Variants in UNC80 observed in about 807,000 individuals in gnomAD.
UNC80 encodes protein unc-80 homolog.
UNC80 carries 164 observed loss-of-function variants against 384.6 expected under a neutral mutation model. The observed-to-expected ratio is 0.43, with a 90% CI of 0.38 to 0.49. UNC80 has a LOEUF of 0.49. UNC80 is among the 20% of genes least tolerant of loss of function. UNC80 has a pLI of 0.00. For missense variants in UNC80, 3,330 were observed against 4,143.0 expected (o/e 0.80, Z 5.39); for synonymous variants, 1,486 against 1,527.8 (o/e 0.97, Z 0.64).
chr2:209,984,785 CCTTTTTT>C (rs1372374431), intron 60 of UNC80, 64 bp from the exon 61 acceptor site: 29 of 1,402,498 alleles, frequency 2.1e-5, no homozygotes, highest in South Asian at 1.2e-4. Context: ...AAATTGCATG[CCTTTTTT>C]CTTTTTTCTT....
chr2:209,810,257 G>C (rs1018914889), intron 7 of UNC80, among the ~76,000 whole-genome samples: 12 of 152,152 alleles, frequency 7.9e-5, no homozygotes, highest in African/African-American at 2.9e-4. Context: ...TCTGCCCAAT[G>C]TATCTCCCAG....
intron 22 of UNC80, among the ~76,000 whole-genome samples, chr2:209,857,171 G>A (rs2082998096): frequency 1.3e-5 from 2 of 152,090 alleles, no homozygotes; most frequent in Non-Finnish European, 2.9e-5. Context: ...CATCACTTAG[G>A]CTAGTCGAGG....
chr2:209,935,672 C>A, intron 39 of UNC80, 42 bp from the exon 40 acceptor site: 1 of 1,094,136 alleles, frequency 9.1e-7, no homozygotes. Flanking sequence ...TACAAATTTT[C>A]TATAGTAAAA....
At position 209,829,993 on chromosome 2, in the gene UNC80, T is replaced by G. The variant is rs183641966; in HGVS notation, c.2626+614T>G. On this transcript the variant is annotated intron_variant, in intron 15 of 64. Coordinates refer to ENST00000673920, the MANE Select transcript of UNC80 (RefSeq NM_001371986.1). ...TAAGTTACAGGGGGAGACCAATAAG[T>G]GTTAACTGCATTTATAGTAAACCAA... 3.3e-4 allele frequency among the ~76,000 whole-genome samples: 51 copies of G among 152,344 alleles called. No individual in the cohort carries two copies. In the East Asian group the frequency reaches 9.6e-3, roughly 29 times the overall value.
At chr2:209,964,531 G>A (rs577792515) in intron 51 of UNC80, among the ~76,000 whole-genome samples, 26 of 152,284 alleles carry the variant, frequency 1.7e-4, no homozygotes, top group African/African-American at 6.3e-4. Context: ...GTTCACGCCT[G>A]TAATCCCAGC....
intron 28 of UNC80, among the ~76,000 whole-genome samples, chr2:209,902,745 A>G (rs1186031848): frequency 6.6e-6 from 1 of 152,194 alleles, no homozygotes; most frequent in African/African-American, 2.4e-5. Context: ...TTTAGACATG[A>G]TGTTATTGCA....
chr2:209,914,313 T>C (rs1347993333), intron 31 of UNC80, among the ~76,000 whole-genome samples: 1 of 152,246 alleles, frequency 6.6e-6, no homozygotes, highest in East Asian at 1.9e-4. Context: ...ATGTGAGTAA[T>C]GTTCTGTGTC....
At position 209,992,303 on chromosome 2, in the gene UNC80, GAT is replaced by G. The variant is rs965274556; in HGVS notation, c.9396+57_9396+58del. 8.6e-5 allele frequency: 126 copies of G among 1,458,374 alleles called. 1 individual carries two copies. The African/African-American group carries it at 1.6e-3, about 18-fold the overall frequency. 90.3% of individuals were successfully genotyped at this position (1,458,374 alleles called of 1,614,324 possible). On this transcript the variant is annotated intron_variant, in intron 62 of 64. Transcript: ENST00000673920. ...ATCCTACGAATTGGAAGCTCTGTGTGATTTTTAATGCCCATGTATATTAAGAT... is the reference window on the plus strand; with the variant it reads ...ATCCTACGAATTGGAAGCTCTGTGTGTTTTAATGCCCATGTATATTAAGAT...
rs747100273 is a variant in UNC80 at position 209,978,517 on chromosome 2, C to A, written c.8939-12C>A. 6.6e-7 allele frequency: 1 copy of A among 1,524,216 alleles called. No homozygotes were observed. The highest frequency in any genetic ancestry group is 1.2e-5 in the South Asian group (1 of 81,836). 94.4% of individuals were successfully genotyped at this position (1,524,216 alleles called of 1,614,324 possible). On this transcript the variant is annotated splice_polypyrimidine_tract_variant and intron_variant, in intron 58 of 64. Coordinates refer to ENST00000673920, the MANE Select transcript of UNC80 (RefSeq NM_001371986.1). The stretch of plus-strand genomic sequence containing the variant: ...TCACCATGCATTTCCTTTGGTCTCT[C>A]GCATCCTCTAGCCTACCAAGGCAAG...
intron 62 of UNC80, 90 bp from the exon 63 acceptor site, chr2:209,993,225 A>G: frequency 1.0e-6 from 1 of 967,616 alleles, no homozygotes; most frequent in Non-Finnish European, 1.5e-6. Context: ...GAACAACCAT[A>G]AGAATCCACA....
In UNC80 at chr2:209,912,630, A is replaced by G; in HGVS notation, c.4853A>G (p.Lys1618Arg). The change falls in exon 30 of 65, where the codon AAA (lysine) becomes AGA (arginine). Residue 1618 changes from lysine to arginine, a missense_variant. By Grantham distance (26) the Lys-to-Arg change is conservative. Coordinates refer to ENST00000673920, the MANE Select transcript of UNC80 (RefSeq NM_001371986.1). ...KRVSDANLEG[K>R]KDSGMLKYIR... ...GTTTCAGATGCCAATCTGGAAGGAA[A>G]AAAAGATTCCGGAATGCTGAAGTAC... is the stretch of plus-strand genomic sequence containing the variant. 6.4e-7 allele frequency: 1 copy of G among 1,551,592 alleles called. No homozygotes were observed. Among genetic ancestry groups the G allele is most frequent in the South Asian group, 1.2e-5 (1 of 84,038 alleles).
chr2:209,927,608 C>A (rs755028390), intron 36 of UNC80, among the ~76,000 whole-genome samples: 2 of 152,140 alleles, frequency 1.3e-5, no homozygotes, highest in Admixed American at 6.6e-5. Flanking sequence ...GCCAGAAAGT[C>A]GGCAAATATT....
intron 47 of UNC80, among the ~76,000 whole-genome samples, chr2:209,949,541 A>G (rs1304194754): frequency 2.0e-5 from 3 of 151,472 alleles, no homozygotes; most frequent in East Asian, 3.9e-4. Flanking sequence ...GCAATGGCAT[A>G]ATCTTGGCTC....
intron 15 of UNC80, 148 bp from the exon 16 acceptor site, chr2:209,831,295 G>C: frequency 1.3e-6 from 1 of 785,984 alleles, no homozygotes; most frequent in Non-Finnish European, 1.9e-6. Flanking sequence ...TCTGCCTAGA[G>C]ATTATTAAAC....
intron 60 of UNC80, among the ~76,000 whole-genome samples, chr2:209,983,596 G>A (rs1348216451): frequency 5.9e-5 from 9 of 151,976 alleles, no homozygotes; most frequent in Non-Finnish European, 1.0e-4. Flanking sequence ...ATTTTTAATT[G>A]CTAGCAATGT....
intron 18 of UNC80, among the ~76,000 whole-genome samples, chr2:209,837,773 C>CTTTT (rs747171151): frequency 7.1e-6 from 1 of 141,466 alleles, no homozygotes; most frequent in Non-Finnish European, 1.6e-5. Context: ...GTACCTACAT[C>CTTTT]TTTTTTTTTT....
In UNC80 at chr2:209,984,896, G is replaced by A. The variant is rs780309223; in HGVS notation, c.9298G>A (p.Glu3100Lys). The A allele has an allele frequency of 5.8e-6, 9 of 1,550,354 alleles. No individual in the cohort carries two copies. The highest frequency in any genetic ancestry group is 2.8e-5 in the African/African-American group (2 of 72,720). The change falls in exon 61 of 65, where the codon GAG (glutamate) becomes AAG (lysine). Residue 3100 changes from glutamate to lysine, a missense_variant. Glu to Lys is a moderately conservative substitution (Grantham distance 56). Transcript: ENST00000673920. ...CGATGACTCCCAGGGCCTGGCCGCC[G>A]AGGGCAGCCTCTCTAGGTACAGTGT... The part of the protein sequence containing the change: ...VLDDSQGLAA[E>K]GSLSRVASIQ...
intron 8 of UNC80, 71 bp from the exon 9 acceptor site, chr2:209,815,186 G>C: frequency 6.9e-7 from 1 of 1,445,648 alleles, no homozygotes; most frequent in Non-Finnish European, 9.3e-7. Flanking sequence ...TATTAAAAAT[G>C]TGACATTTCA....
At chr2:209,928,316 A>G (rs534931323) in intron 36 of UNC80, among the ~76,000 whole-genome samples, 5 of 152,314 alleles carry the variant, frequency 3.3e-5, no homozygotes, top group African/African-American at 9.6e-5. Flanking sequence ...AGCCTGGGCA[A>G]CAGAGTGAGA....
Sources: allele counts gnomAD v4.1 joint callset (sites outside exome capture counted in the v4.1 genomes callset), GRCh38; gene constraint gnomAD v4.1.1; transcripts MANE v1.5; gene names NCBI Gene and HGNC (gene_info 2026-07-23, HGNC 2026-07-21).